The following KSR2 variants were observed in gnomAD, a reference collection of about 807,000 sequenced individuals.
KSR2 encodes kinase suppressor of ras 2.
A neutral mutation model predicts 107.8 loss-of-function variants in KSR2; 25 were observed. The observed-to-expected ratio is 0.23, with a 90% CI of 0.17 to 0.32. The LOEUF is 0.32. KSR2 is among the 10% of genes least tolerant of loss of function. The pLI, the probability that KSR2 is intolerant of heterozygous loss-of-function variation, is 1.00. For synonymous variants in KSR2, 480 were observed against 507.0 expected (o/e 0.95, Z 0.71); for missense variants, 887 against 1,268.9 (o/e 0.70, Z 4.57).
intron 1 of KSR2, among the ~76,000 whole-genome samples, chr12:117,929,107 T>C (rs1447324482): frequency 6.6e-6 from 1 of 152,200 alleles, no homozygotes; most frequent in African/African-American, 2.4e-5. Context: ...TGCATCTCAA[T>C]TACTTCACAT....
At chr12:117,607,008 C>T (rs753042811) in intron 5 of KSR2, among the ~76,000 whole-genome samples, 26 of 152,132 alleles carry the variant, frequency 1.7e-4, no homozygotes, top group Non-Finnish European at 2.9e-5. Context: ...CCCTGGAGTC[C>T]CTGGGGAGTT....
At chr12:117,648,914 C>T (rs566903336) in intron 5 of KSR2, among the ~76,000 whole-genome samples, 2 of 152,264 alleles carry the variant, frequency 1.3e-5, no homozygotes, top group Admixed American at 6.5e-5. Context: ...AAAAACATGC[C>T]CAACCAATCA....
chr12:117,602,723 G>A (rs950709491), intron 5 of KSR2, among the ~76,000 whole-genome samples: 1 of 152,118 alleles, frequency 6.6e-6, no homozygotes, highest in African/African-American at 2.4e-5. Flanking sequence ...TTGCGTATAG[G>A]TATTTGTTTG....
At chr12:117,523,330 C>G (rs553623346) in intron 14 of KSR2, among the ~76,000 whole-genome samples, 2 of 152,308 alleles carry the variant, frequency 1.3e-5, no homozygotes, top group East Asian at 3.9e-4. Context: ...ACTGCTTGAG[C>G]TGAGTAGAGC....
intron 14 of KSR2, among the ~76,000 whole-genome samples, chr12:117,504,967 C>T (rs144026972): frequency 8.5e-5 from 13 of 152,236 alleles, no homozygotes; most frequent in South Asian, 2.1e-4. Context: ...TATGCCTTTG[C>T]GTATTCATAG....
At chr12:117,550,136 C>G (rs1877187597) in intron 9 of KSR2, among the ~76,000 whole-genome samples, 1 of 152,154 alleles carries the variant, frequency 6.6e-6, no homozygotes, top group Non-Finnish European at 1.5e-5. Context: ...ACCATCCAGT[C>G]CAACTACTTC....
chr12:117,722,934 C>T (rs184608619), intron 4 of KSR2, among the ~76,000 whole-genome samples: 6 of 152,222 alleles, frequency 3.9e-5, no homozygotes, highest in Admixed American at 2.0e-4. Context: ...CAAGAGAGTG[C>T]GAGAAGTATC....
intron 5 of KSR2, among the ~76,000 whole-genome samples, chr12:117,630,070 G>A (rs1882732233): frequency 6.6e-6 from 1 of 152,218 alleles, no homozygotes; most frequent in South Asian, 2.1e-4. Context: ...CCATTCTCAA[G>A]TGGCTTTGGA....
At chr12:117,854,212 G>A (rs1235995642) in intron 3 of KSR2, among the ~76,000 whole-genome samples, 1 of 152,214 alleles carries the variant, frequency 6.6e-6, no homozygotes, top group Admixed American at 6.5e-5. Flanking sequence ...TCGCCATGTT[G>A]CCCAGGCTGG....
chr12:117,775,750 C>T (rs1217664678), intron 3 of KSR2, among the ~76,000 whole-genome samples: 1 of 152,016 alleles, frequency 6.6e-6, no homozygotes, highest in Non-Finnish European at 1.5e-5. Context: ...TGTTACTCAG[C>T]CATAAAAAGG....
At chr12:117,909,015 T>C (rs575021905) in intron 1 of KSR2, among the ~76,000 whole-genome samples, 18 of 152,308 alleles carry the variant, frequency 1.2e-4, no homozygotes, top group African/African-American at 4.1e-4. Context: ...TAGGCACAGC[T>C]AAGAAGCAAG....
intron 1 of KSR2, among the ~76,000 whole-genome samples, chr12:117,877,823 G>T (rs1690213928): frequency 6.6e-6 from 1 of 152,186 alleles, no homozygotes; most frequent in South Asian, 2.1e-4. Context: ...CCAAGCCCCA[G>T]CTTCAGCCCC....
At chr12:117,468,780 AG>A (rs1871278491) in intron 19 of KSR2, among the ~76,000 whole-genome samples, 1 of 152,176 alleles carries the variant, frequency 6.6e-6, no homozygotes, top group African/African-American at 2.4e-5. Context: ...CTATGTATGC[AG>A]GCTTCTGTGT....
chr12:117,832,590 G>A (rs952360434), intron 3 of KSR2, among the ~76,000 whole-genome samples: 6 of 152,208 alleles, frequency 3.9e-5, no homozygotes, highest in Non-Finnish European at 7.3e-5. Flanking sequence ...AGAGAGCCAC[G>A]GAGGTCAGGC....
chr12:117,613,210 G>A (rs576952042), intron 5 of KSR2, among the ~76,000 whole-genome samples: 64 of 152,272 alleles, frequency 4.2e-4, no homozygotes, highest in African/African-American at 1.2e-3. Context: ...GTAATTCCAC[G>A]TAACCTCACT....
At chr12:117,619,502 G>A (rs1007167765) in intron 5 of KSR2, among the ~76,000 whole-genome samples, 1 of 151,572 alleles carries the variant, frequency 6.6e-6, no homozygotes, top group African/African-American at 2.4e-5. Context: ...GAGAATGATG[G>A]CTTCCATCTT....
intron 3 of KSR2, among the ~76,000 whole-genome samples, chr12:117,764,118 A>T (rs1003078037): frequency 6.6e-6 from 1 of 152,164 alleles, no homozygotes; most frequent in African/African-American, 2.4e-5. Flanking sequence ...TCATTTTGTT[A>T]TTATATATTC....
At chr12:117,470,240 T>G in intron 18 of KSR2, among the ~76,000 whole-genome samples, 1 of 143,304 alleles carries the variant, frequency 7.0e-6, no homozygotes, top group Non-Finnish European at 1.5e-5. Context: ...GGCATGTATC[T>G]ACACATCTAC....
chr12:117,919,759 C>T (rs1336539664), intron 1 of KSR2, among the ~76,000 whole-genome samples: 1 of 152,252 alleles, frequency 6.6e-6, no homozygotes, highest in African/African-American at 2.4e-5. Context: ...GGCTCCCCAT[C>T]GCCTTTCTCT....
Sources: gnomAD v4.1 joint callset for allele counts (sites outside exome capture counted in the v4.1 genomes callset) on GRCh38, gnomAD v4.1.1 for gene constraint, MANE v1.5 for transcripts, NCBI Gene and HGNC (gene_info 2026-07-23, HGNC 2026-07-21) for gene names.